Variants in CLSTN2 observed in about 807,000 individuals in gnomAD.
The protein encoded by CLSTN2 is calsyntenin 2, also known as calsyntenin-2.
In CLSTN2, 48 loss-of-function variants were observed where a neutral mutation model predicts 101.2. That is an observed-to-expected ratio of 0.47 (90% CI 0.38 to 0.60). The LOEUF is 0.60. CLSTN2 is among the 20% of genes least tolerant of loss of function. CLSTN2 has a pLI of 0.00. For missense variants in CLSTN2, 1,160 were observed against 1,238.2 expected (o/e 0.94, Z 0.95); for synonymous variants, 481 against 463.6 (o/e 1.04, Z -0.48).
At chr3:140,244,345 A>T (rs1279722194) in intron 2 of CLSTN2, among the ~76,000 whole-genome samples, 1 of 152,210 alleles carries the variant, frequency 6.6e-6, no homozygotes, top group Non-Finnish European at 1.5e-5. Flanking sequence ...CCAAACTGAC[A>T]TCACTGCCTT....
In CLSTN2 at chr3:140,191,794, G is replaced by A. The variant is rs182304089; in HGVS notation, c.232+15721G>A. ...TTTCACTATTTCATATTTAGTGCAGGTTTATCAAGTTTATAAATCTTTTCA... is the reference window on the plus strand; with the variant it reads ...TTTCACTATTTCATATTTAGTGCAGATTTATCAAGTTTATAAATCTTTTCA... On this transcript the variant is annotated intron_variant, in intron 2 of 16. Transcript: ENST00000458420. Among the ~76,000 whole-genome samples the A allele has an allele frequency of 2.9e-3, 446 of 151,918 alleles. 1 individual carries two copies. Among genetic ancestry groups the A allele is most frequent in the Non-Finnish European group, 5.4e-3 (366 of 67,806 alleles).
intron 2 of CLSTN2, among the ~76,000 whole-genome samples, chr3:140,333,229 C>G (rs2087405263): frequency 6.6e-6 from 1 of 152,208 alleles, no homozygotes; most frequent in African/African-American, 2.4e-5. Flanking sequence ...CATCTCTCTG[C>G]AGATTAATCC....
rs1019576486 is a variant in CLSTN2, at chr3:140,111,215, C to T, written c.110-64736C>T. On this transcript the variant is annotated intron_variant, in intron 1 of 16. Transcript: ENST00000458420. ...TTATGCTTTGTATTTGCCCCTTTCCCCTACAGACACAACTCCTTTCTCGCT... is the reference window on the plus strand; with the variant it reads ...TTATGCTTTGTATTTGCCCCTTTCCTCTACAGACACAACTCCTTTCTCGCT... Among the ~76,000 whole-genome samples, 7 of 152,210 alleles carry T rather than the reference C, an allele frequency of 4.6e-5. No homozygotes were observed. The South Asian group carries it at 1.2e-3, about 27-fold the overall frequency.
intron 1 of CLSTN2, among the ~76,000 whole-genome samples, chr3:140,043,694 T>G (rs1430490931): frequency 6.6e-6 from 1 of 152,212 alleles, no homozygotes; most frequent in Non-Finnish European, 1.5e-5. Context: ...CTTGAATTAA[T>G]TTTTATATAA....
chr3:140,323,576 G>A (rs948227078), intron 2 of CLSTN2, among the ~76,000 whole-genome samples: 2 of 152,098 alleles, frequency 1.3e-5, no homozygotes, highest in Non-Finnish European at 2.9e-5. Flanking sequence ...CCATGATCTG[G>A]GGCAAGTTGC....
At chr3:140,109,489 A>C (rs1379695613) in intron 1 of CLSTN2, among the ~76,000 whole-genome samples, 1 of 152,146 alleles carries the variant, frequency 6.6e-6, no homozygotes, top group Non-Finnish European at 1.5e-5. Flanking sequence ...TAGGTGGCGA[A>C]TCTCCCTTCC....
intron 2 of CLSTN2, among the ~76,000 whole-genome samples, chr3:140,185,722 C>G (rs2010476612): frequency 6.6e-6 from 1 of 152,138 alleles, no homozygotes; most frequent in South Asian, 2.1e-4. Flanking sequence ...AAGGGGGCAA[C>G]TGTTGCAGGT....
intron 2 of CLSTN2, among the ~76,000 whole-genome samples, chr3:140,265,898 C>A (rs1027609269): frequency 4.6e-5 from 7 of 152,202 alleles, no homozygotes; most frequent in Admixed American, 4.6e-4. Context: ...ATTCAGAAAG[C>A]ATCCCTGCAC....
chr3:140,490,747 G>C (rs1559885145), intron 8 of CLSTN2, among the ~76,000 whole-genome samples: 1 of 151,990 alleles, frequency 6.6e-6, no homozygotes, highest in Non-Finnish European at 1.5e-5. Flanking sequence ...TTGATACTAC[G>C]ATCTGCTCAG....
At chr3:140,520,999 C>G (rs567758087) in intron 8 of CLSTN2, among the ~76,000 whole-genome samples, 1 of 151,096 alleles carries the variant, frequency 6.6e-6, no homozygotes, top group African/African-American at 2.4e-5. Context: ...CCTCTCTAAA[C>G]TGGCTATCAG....
chr3:140,459,093 A>C (rs1458172157), intron 6 of CLSTN2, among the ~76,000 whole-genome samples: 2 of 152,166 alleles, frequency 1.3e-5, no homozygotes, highest in Non-Finnish European at 2.9e-5. Context: ...TAGAGCCAGC[A>C]CCTAGAAGGG....
At chr3:139,970,863 G>A (rs1248795983) in intron 1 of CLSTN2, among the ~76,000 whole-genome samples, 2 of 152,170 alleles carry the variant, frequency 1.3e-5, no homozygotes, top group African/African-American at 2.4e-5. Flanking sequence ...ATGGGATTCA[G>A]CTAAAGCTAA....
chr3:140,184,884 T>A (rs1364975111), intron 2 of CLSTN2, among the ~76,000 whole-genome samples: 1 of 151,990 alleles, frequency 6.6e-6, no homozygotes, highest in African/African-American at 2.4e-5. Context: ...AAATGACAAA[T>A]TTTCTTCCCG....
intron 1 of CLSTN2, among the ~76,000 whole-genome samples, chr3:140,173,096 A>G (rs545548047): frequency 6.6e-6 from 1 of 152,336 alleles, no homozygotes; most frequent in South Asian, 2.1e-4. Context: ...ATCTGAGACA[A>G]GGCAAGTCCC....
At chr3:140,122,122 T>G (rs1210835447) in intron 1 of CLSTN2, among the ~76,000 whole-genome samples, 1 of 152,228 alleles carries the variant, frequency 6.6e-6, no homozygotes. Context: ...TCTCCTGTTC[T>G]GCAACTCGAC....
At chr3:140,076,192 C>A (rs1576418412) in intron 1 of CLSTN2, among the ~76,000 whole-genome samples, 1 of 152,174 alleles carries the variant, frequency 6.6e-6, no homozygotes, top group East Asian at 1.9e-4. Context: ...TTTCACTTAG[C>A]ATAATGTTCT....
intron 1 of CLSTN2, among the ~76,000 whole-genome samples, chr3:140,004,630 A>G (rs186783084): frequency 6.6e-6 from 1 of 152,222 alleles, no homozygotes; most frequent in Non-Finnish European, 1.5e-5. Context: ...GGAGATTTTC[A>G]TCAGGGAGCC....
intron 1 of CLSTN2, among the ~76,000 whole-genome samples, chr3:139,953,931 T>TTGTGTGTGTGTGTG (rs145225696): frequency 0.51 from 74,688 of 147,286 alleles, 21,308 homozygotes; most frequent in Middle Eastern, 0.72. Flanking sequence ...GTGTGTGTGT[T>TTGTGTGTGTGTGTG]TGTGTGTGTG....
intron 2 of CLSTN2, among the ~76,000 whole-genome samples, chr3:140,224,756 T>G (rs1240218891): frequency 1.3e-5 from 2 of 152,198 alleles, no homozygotes; most frequent in Non-Finnish European, 2.9e-5. Context: ...TATTTAGCAT[T>G]GATTAATCCA....
Sources: gnomAD v4.1 joint callset for allele counts (sites outside exome capture counted in the v4.1 genomes callset) on GRCh38, gnomAD v4.1.1 for gene constraint, MANE v1.5 for transcripts, NCBI Gene and HGNC (gene_info 2026-07-23, HGNC 2026-07-21) for gene names.